The following LMO2 variants were observed in gnomAD, a reference collection of about 807,000 sequenced individuals.
LMO2 encodes the protein LIM domain only 2, also known as rhombotin-2.
LMO2 carries 20 observed loss-of-function variants against 23.2 expected under a neutral mutation model. The ratio of observed to expected loss-of-function variants is 0.86; its 90% CI spans 0.61 to 1.25. The LOEUF (loss-of-function observed/expected upper bound fraction) is 1.25. Ranked by LOEUF, LMO2 falls within the 50% of genes most tolerant of loss-of-function variation. The pLI is 0.00. For synonymous variants in LMO2, 123 were observed against 130.2 expected (o/e 0.94, Z 0.38); for missense variants, 270 against 315.3 (o/e 0.86, Z 1.09).
rs138845164 is a variant in LMO2, at chr11:33,889,718, C to T, written c.-336+2077G>A. On this transcript the variant is annotated intron_variant, in intron 1 of 5. Transcript: ENST00000257818. ...CTGTTGGTGGGAATGTAAATTAGTA[C>T]AATCTCTAGGAAGAACAGTATGGAG... Among the ~76,000 whole-genome samples the T allele has an allele frequency of 1.3e-4, 20 of 152,336 alleles. No individual in the cohort carries two copies. In the East Asian group the frequency reaches 3.9e-3, roughly 29 times the overall value.
chr11:33,889,732 A>T (rs1250242008), intron 1 of LMO2, among the ~76,000 whole-genome samples: 2 of 152,354 alleles, frequency 1.3e-5, no homozygotes, highest in Admixed American at 1.3e-4. Flanking sequence ...CTCTAGGAAG[A>T]ACAGTATGGA....
chr11:33,888,165 A>G (rs1195415921), intron 1 of LMO2, among the ~76,000 whole-genome samples: 3 of 152,202 alleles, frequency 2.0e-5, no homozygotes, highest in Admixed American at 2.0e-4. Flanking sequence ...CCATGGCTTG[A>G]GCACTTGCTC....
chr11:33,864,559 C>T lies in LMO2; in HGVS notation c.464+43G>A. 6.5e-7 allele frequency: 1 copy of T among 1,547,916 alleles called. No homozygotes were observed. Among genetic ancestry groups the T allele is most frequent in the Non-Finnish European group, 8.8e-7 (1 of 1,132,458 alleles). On this transcript the variant is annotated intron_variant, in intron 5 of 5. Transcript: ENST00000257818. This position sits in a 1 kb window ranked among gnomAD's most constrained non-coding sequence, Gnocchi z 4.8. ...CGACTGCAGATGTCCATGGACCACC[C>T]AGCCTCCCTTCCGAGGGCCCAGTGG...
At position 33,859,145 on chromosome 11, in the gene LMO2, C is replaced by A; in HGVS notation, c.*211G>T. 1 of 542,784 alleles carries A rather than the reference C, an allele frequency of 1.8e-6. No homozygotes were observed. The highest frequency in any genetic ancestry group is 3.3e-6 in the Non-Finnish European group (1 of 299,410). The allele number at this position is 542,784 out of a possible 1,614,324, so 33.6% of individuals were successfully genotyped here. A position where few individuals can be genotyped will look rare whatever the true frequency, so the allele number is the denominator to read the frequency against. ...TGGGCTGTGGCCATAAGTTCTCCCT[C>A]AAGGGCTGGTCCTTCTGTCACCTTG... On this transcript the variant is annotated 3_prime_UTR_variant, in exon 6 of 6. Coordinates refer to ENST00000257818, the MANE Select transcript of LMO2 (RefSeq NM_005574.4).
intron 5 of LMO2, among the ~76,000 whole-genome samples, chr11:33,861,356 G>T (rs1169177370): frequency 6.6e-6 from 1 of 152,194 alleles, no homozygotes; most frequent in Non-Finnish European, 1.5e-5. Flanking sequence ...GGACCTAAGG[G>T]CAGTTGACAC....
intron 1 of LMO2, among the ~76,000 whole-genome samples, chr11:33,885,126 T>C (rs1335435995): frequency 1.3e-5 from 2 of 151,884 alleles, no homozygotes; most frequent in African/African-American, 2.4e-5. Flanking sequence ...GTGAAGGGGG[T>C]TGTCAGACTT....
chr11:33,873,449 T>G (rs1857071231), intron 2 of LMO2, among the ~76,000 whole-genome samples: 1 of 152,244 alleles, frequency 6.6e-6, no homozygotes, highest in Non-Finnish European at 1.5e-5. Context: ...AAATTTAAGT[T>G]TAACATTTAG....
chr11:33,860,935 G>A (rs777984604), intron 5 of LMO2, among the ~76,000 whole-genome samples: 108 of 152,316 alleles, frequency 7.1e-4, no homozygotes, highest in South Asian at 1.5e-3. Context: ...AACAGCAAAA[G>A]TGCAGTAACA....
chr11:33,869,584 T>C lies in LMO2; in HGVS notation c.10A>G (p.Ser4Gly). 7.7e-7 allele frequency: 1 copy of C among 1,297,528 alleles called. No individual in the cohort carries two copies. Among genetic ancestry groups the C allele is most frequent in the Non-Finnish European group, 9.9e-7 (1 of 1,011,328 alleles). The allele number at this position is 1,297,528 out of a possible 1,614,324, so 80.4% of individuals were successfully genotyped here. The stretch of plus-strand genomic sequence containing the variant: ...CCGCGCTCAAGGACAGTCACCGCGC[T>C]CCCTTCAAACGCCAAAGAGAGAGAG... Reference protein sequence around the residue: MEGSAVTVLERGGA... With the variant: MEGGAVTVLERGGA... The change falls in exon 4 of 6, where the codon AGC (serine) becomes GGC (glycine). Residue 4 changes from serine (S) to glycine (G), a missense_variant and splice_region_variant. Ser to Gly is a moderately conservative substitution (Grantham distance 56). Transcript: ENST00000257818.
At position 33,859,664 on chromosome 11, in the gene LMO2, G is replaced by A. The variant is rs896134246; in HGVS notation, c.465-89C>T. Reference sequence around the variant, plus strand: ...GGGGATGAGCCCTAGAAAGGAGGCCGAACTTTCAGGATGTCAGGAAGCCAG... The same window carrying A: ...GGGGATGAGCCCTAGAAAGGAGGCCAAACTTTCAGGATGTCAGGAAGCCAG... On this transcript the variant is annotated intron_variant, in intron 5 of 5. Coordinates refer to ENST00000257818, the MANE Select transcript of LMO2 (RefSeq NM_005574.4). 23 of 1,174,248 alleles carry A rather than the reference G, an allele frequency of 2.0e-5. No homozygotes were observed. The Middle Eastern group carries it at 8.6e-4, about 44-fold the overall frequency. The allele number at this position is 1,174,248 out of a possible 1,614,324, so 72.7% of individuals were successfully genotyped here. A position where few individuals can be genotyped will look rare whatever the true frequency, so the allele number is the denominator to read the frequency against.
rs79613121 is a variant in LMO2, at chr11:33,880,711, A to G, written c.-272+1113T>C. 3,122 of 161,604 alleles carry G rather than the reference A, an allele frequency of 0.019. 53 individuals carry two copies. The highest frequency in any genetic ancestry group is 0.033 in the Non-Finnish European group (2,408 of 73,604). 10.0% of individuals were successfully genotyped at this position (161,604 alleles called of 1,614,324 possible). A position where few individuals can be genotyped will look rare whatever the true frequency, so the allele number is the denominator to read the frequency against. On this transcript the variant is annotated intron_variant, in intron 2 of 5. Coordinates refer to ENST00000257818, the MANE Select transcript of LMO2 (RefSeq NM_005574.4). The surrounding 1 kb of genome is among the most constrained non-coding windows in gnomAD (Gnocchi z 4.3). ...CCCACACGCCCCAAACAAATCTGAC[A>G]AAAGTTAAAGACCATTCCCTAGGTG...
chr11:33,875,232 C>T (rs1230476375), intron 2 of LMO2, among the ~76,000 whole-genome samples: 1 of 152,210 alleles, frequency 6.6e-6, no homozygotes, highest in Non-Finnish European at 1.5e-5. Context: ...GAAAGTGGCA[C>T]ATAGTCACCT....
rs141173088 is a variant in LMO2 at position 33,890,816 on chromosome 11, G to A, written c.-336+979C>T. 9.0e-3 allele frequency among the ~76,000 whole-genome samples: 1,366 copies of A among 152,128 alleles called. 12 individuals carry two copies. Among genetic ancestry groups the A allele is most frequent in the Non-Finnish European group, 0.013 (875 of 68,000 alleles). On this transcript the variant is annotated intron_variant, in intron 1 of 5. Coordinates refer to ENST00000257818, the MANE Select transcript of LMO2 (RefSeq NM_005574.4). ...TATTATTTCTCACAATGACCCTATGGGTACCCCTATATTACAAATGAGAAA... is the reference window on the plus strand; with the variant it reads ...TATTATTTCTCACAATGACCCTATGAGTACCCCTATATTACAAATGAGAAA...
Position 33,869,396 on chromosome 11 carries a change from A to AGGCGGGGTGCCGGGC in LMO2, c.183_197dup (p.Gly63_Pro67dup). The AGGCGGGGTGCCGGGC allele has an allele frequency of 8.6e-7, 1 of 1,161,776 alleles. No homozygotes were observed. Among genetic ancestry groups the AGGCGGGGTGCCGGGC allele is most frequent in the Non-Finnish European group, 1.1e-6 (1 of 936,584 alleles). The allele number at this position is 1,161,776 out of a possible 1,614,324, so 72.0% of individuals were successfully genotyped here. On this transcript the variant is annotated inframe_insertion, in exon 4 of 6. Coordinates refer to ENST00000257818, the MANE Select transcript of LMO2 (RefSeq NM_005574.4). ...CGATGGCCGAGGACATTGGGGAGGGAGGCGGGGTGCCGGGCGGCGGGGGCG... is the reference window on the plus strand; with the variant it reads ...CGATGGCCGAGGACATTGGGGAGGGAGGCGGGGTGCCGGGCGGCGGGGTGCCGGGCGGCGGGGGCG...
chr11:33,863,744 G>A (rs1343526045), intron 5 of LMO2, among the ~76,000 whole-genome samples: 3 of 152,238 alleles, frequency 2.0e-5, no homozygotes, highest in Non-Finnish European at 2.9e-5. Context: ...CAGAGCATGG[G>A]AGATGTCCTC....
chr11:33,871,352 G>C (rs1252114445), intron 2 of LMO2, among the ~76,000 whole-genome samples: 1 of 151,862 alleles, frequency 6.6e-6, no homozygotes, highest in Non-Finnish European at 1.5e-5. Flanking sequence ...AGCACTTTGG[G>C]AGACCCAGGC....
At chr11:33,878,304 G>T (rs1465306606) in intron 2 of LMO2, among the ~76,000 whole-genome samples, 4 of 152,168 alleles carry the variant, frequency 2.6e-5, no homozygotes, top group Non-Finnish European at 5.9e-5. Context: ...TCTGTGCACT[G>T]TGTTACTCTT....
chr11:33,881,094 C>T (rs1195878861), intron 2 of LMO2: 3 of 446,908 alleles, frequency 6.7e-6, no homozygotes, highest in Non-Finnish European at 1.3e-5. Context: ...GGTCCCATCT[C>T]CATTTGGGAT....
At chr11:33,871,242 T>C (rs944522318) in intron 2 of LMO2, among the ~76,000 whole-genome samples, 6 of 141,724 alleles carry the variant, frequency 4.2e-5, no homozygotes, top group Non-Finnish European at 7.7e-5. Context: ...TGTGTGTGTG[T>C]CCCAAAGGAA....
Sources: allele counts gnomAD v4.1 joint callset (sites outside exome capture counted in the v4.1 genomes callset), GRCh38; gene constraint gnomAD v4.1.1; non-coding constraint Gnocchi (gnomAD v3.1); transcripts MANE v1.5; gene names NCBI Gene and HGNC (gene_info 2026-07-23, HGNC 2026-07-21).